The following GPR63 variants were observed in gnomAD, a reference collection of about 807,000 sequenced individuals.
GPR63 encodes the protein G protein-coupled receptor 63, also known as probable G protein-coupled receptor 63.
GPR63 carries 12 observed loss-of-function variants against 23.1 expected under a neutral mutation model. That is an observed-to-expected ratio of 0.52 (90% CI 0.33 to 0.84). GPR63 has a LOEUF of 0.84. GPR63 is among the 40% of genes least tolerant of loss of function. GPR63 has a pLI of 0.02. For missense variants in GPR63, 472 were observed against 515.6 expected (o/e 0.92, Z 0.82); for synonymous variants, 172 against 191.1 (o/e 0.90, Z 0.82).
At chr6:96,801,277 G>A (rs574451253) in intron 1 of GPR63, among the ~76,000 whole-genome samples, 9 of 148,966 alleles carry the variant, frequency 6.0e-5, no homozygotes, top group Non-Finnish European at 1.3e-4. Flanking sequence ...TCAGCTCACC[G>A]CAACCTCCGC....
intron 1 of GPR63, among the ~76,000 whole-genome samples, chr6:96,813,940 G>A (rs1176403639): frequency 6.6e-6 from 1 of 151,880 alleles, no homozygotes; most frequent in East Asian, 1.9e-4. Flanking sequence ...CTAAACTGGA[G>A]TAAAACAAAA....
chr6:96,802,399 A>T (rs1773787810), intron 1 of GPR63, among the ~76,000 whole-genome samples: 1 of 152,198 alleles, frequency 6.6e-6, no homozygotes, highest in East Asian at 1.9e-4. Context: ...AATTTCTCGT[A>T]AAAAATGAAG....
At chr6:96,805,100 A>C (rs1232950580) in intron 1 of GPR63, among the ~76,000 whole-genome samples, 2 of 152,160 alleles carry the variant, frequency 1.3e-5, no homozygotes, top group Admixed American at 6.6e-5. Flanking sequence ...ATACATACAC[A>C]CACACACATA....
chr6:96,801,750 T>C (rs1562114549), intron 1 of GPR63, among the ~76,000 whole-genome samples: 2 of 152,226 alleles, frequency 1.3e-5, no homozygotes, highest in South Asian at 4.1e-4. Context: ...TTAATTTCTT[T>C]GCCCTTACTA....
At chr6:96,809,479 A>G (rs891977064) in intron 1 of GPR63, among the ~76,000 whole-genome samples, 1 of 152,208 alleles carries the variant, frequency 6.6e-6, no homozygotes, top group Non-Finnish European at 1.5e-5. Flanking sequence ...GATTAGATAT[A>G]GATATATGCA....
intron 1 of GPR63, among the ~76,000 whole-genome samples, chr6:96,824,610 C>A (rs1275572770): frequency 6.8e-6 from 1 of 147,646 alleles, no homozygotes; most frequent in Non-Finnish European, 1.5e-5. Context: ...AAAAAAAAGT[C>A]TTAAAACCTG....
At chr6:96,818,323 T>G (rs771544813) in intron 1 of GPR63, among the ~76,000 whole-genome samples, 2 of 151,926 alleles carry the variant, frequency 1.3e-5, no homozygotes, top group African/African-American at 4.8e-5. Context: ...ATTAGCCAAG[T>G]GTGGTAGTTC....
chr6:96,827,012 T>A (rs1774455211), intron 1 of GPR63, among the ~76,000 whole-genome samples: 1 of 146,384 alleles, frequency 6.8e-6, no homozygotes. Context: ...CCTGAAATAA[T>A]TACCACAAAG....
At chr6:96,833,783 T>C (rs1291412946) in intron 1 of GPR63, among the ~76,000 whole-genome samples, 1 of 151,746 alleles carries the variant, frequency 6.6e-6, no homozygotes, top group Non-Finnish European at 1.5e-5. Flanking sequence ...AATCAATTAA[T>C]ATATATGCCA....
intron 1 of GPR63, among the ~76,000 whole-genome samples, chr6:96,834,251 C>T (rs1317293501): frequency 6.6e-6 from 1 of 152,186 alleles, no homozygotes; most frequent in Admixed American, 6.5e-5. Flanking sequence ...AATCCTAAAG[C>T]ATGTTGGGCT....
In GPR63 at chr6:96,799,538, G is replaced by A; in HGVS notation, c.194C>T (p.Ala65Val). ...AAATGCTGCTGGTGTTGTGGGCACAGCTGTACTATTCACGGTCAAGGAACT... is the reference window on the plus strand; with the variant it reads ...AAATGCTGCTGGTGTTGTGGGCACAACTGTACTATTCACGGTCAAGGAACT... Reference protein sequence around the residue: ...GLSSLTVNSTAVPTTPAAFKS... With the variant: ...GLSSLTVNSTVVPTTPAAFKS... The change falls in exon 2 of 2, where the codon GCT (alanine) becomes GTT (valine). Residue 65 changes from alanine to valine, a missense_variant. Physicochemically the swap from Ala to Val is moderately conservative, Grantham distance 64. Transcript: ENST00000229955. The A allele has an allele frequency of 6.2e-7, 1 of 1,614,172 alleles. No homozygotes were observed.
At chr6:96,822,571 A>G (rs749772014) in intron 1 of GPR63, among the ~76,000 whole-genome samples, 3 of 152,208 alleles carry the variant, frequency 2.0e-5, no homozygotes, top group Non-Finnish European at 2.9e-5. Context: ...CATGTATACT[A>G]TATAAATCTT....
chr6:96,821,491 A>G (rs559091188), intron 1 of GPR63, among the ~76,000 whole-genome samples: 39 of 152,344 alleles, frequency 2.6e-4, no homozygotes, highest in Middle Eastern at 3.4e-3. Context: ...AGAACAAAAA[A>G]AAGGTACAGC....
At chr6:96,829,606 G>A (rs1013856828) in intron 1 of GPR63, among the ~76,000 whole-genome samples, 8 of 152,120 alleles carry the variant, frequency 5.3e-5, no homozygotes, top group South Asian at 2.1e-4. Context: ...GGGCTGAGGT[G>A]AGGAGATCGT....
At chr6:96,826,251 G>A (rs1309260701) in intron 1 of GPR63, among the ~76,000 whole-genome samples, 2 of 152,036 alleles carry the variant, frequency 1.3e-5, no homozygotes, top group Non-Finnish European at 2.9e-5. Context: ...AGCTAAATGT[G>A]ACTGGCAGTG....
intron 1 of GPR63, among the ~76,000 whole-genome samples, chr6:96,809,595 T>C (rs1773988506): frequency 2.0e-5 from 3 of 152,226 alleles, no homozygotes; most frequent in South Asian, 2.1e-4. Flanking sequence ...TTGATCTGAA[T>C]CATTTTCTGC....
At position 96,798,970 on chromosome 6, in the gene GPR63, G is replaced by A. The variant is rs1452869063; in HGVS notation, c.762C>T (p.Pro254=). The change falls in exon 2 of 2, where the codon CCC becomes CCT. Residue 254 remains proline, a synonymous_variant. Coordinates refer to ENST00000229955, the MANE Select transcript of GPR63 (RefSeq NM_030784.4). ...TAAATGAGTACAGTATTACCAGGAAGGGTATGAAGAAAGAAATGAGAGAAA... is the reference window on the plus strand; with the variant it reads ...TAAATGAGTACAGTATTACCAGGAAAGGTATGAAGAAAGAAATGAGAGAAA... The part of the protein sequence containing the change: ...ILISLISFFI[P]FLVILYSFMG... 1.9e-6 allele frequency: 3 copies of A among 1,614,044 alleles called. No individual in the cohort carries two copies. The East Asian group carries it at 6.7e-5, about 36-fold the overall frequency.
At chr6:96,801,706 T>C (rs1424430480) in intron 1 of GPR63, among the ~76,000 whole-genome samples, 1 of 152,212 alleles carries the variant, frequency 6.6e-6, no homozygotes, top group Admixed American at 6.5e-5. Flanking sequence ...TCATTCAAAA[T>C]ATCAACTTTA....
chr6:96,815,456 TA>T (rs66889025), intron 1 of GPR63, among the ~76,000 whole-genome samples: 39,822 of 152,026 alleles, frequency 0.26, 5,299 homozygotes, highest in South Asian at 0.31. Context: ...TCAGTGGTTA[TA>T]AAGTTTTTTA....
Sources: gnomAD v4.1 joint callset for allele counts (sites outside exome capture counted in the v4.1 genomes callset) on GRCh38, gnomAD v4.1.1 for gene constraint, MANE v1.5 for transcripts, NCBI Gene and HGNC (gene_info 2026-07-23, HGNC 2026-07-21) for gene names.